BICD2: variants seen among roughly 807,000 people sequenced by gnomAD.
The protein encoded by BICD2 is protein bicaudal D homolog 2.
A neutral mutation model predicts 72.9 loss-of-function variants in BICD2; 25 were observed. The ratio of observed to expected loss-of-function variants is 0.34; its 90% CI spans 0.25 to 0.48. The LOEUF (loss-of-function observed/expected upper bound fraction) is 0.48. Among genes scored for constraint, BICD2 ranks in the 20% least tolerant of loss-of-function variants. The pLI, the probability that BICD2 is intolerant of heterozygous loss-of-function variation, is 0.99. For synonymous variants in BICD2, 501 were observed against 516.1 expected (o/e 0.97, Z 0.40); for missense variants, 894 against 1,175.2 (o/e 0.76, Z 3.50).
At chr9:92,743,623 G>C (rs1202006609) in intron 1 of BICD2, among the ~76,000 whole-genome samples, 13 of 152,100 alleles carry the variant, frequency 8.5e-5, no homozygotes, top group African/African-American at 2.4e-5. Context: ...CCATTTTATG[G>C]AGGAAGAAAC....
At chr9:92,745,570 G>A (rs1182809664) in intron 1 of BICD2, among the ~76,000 whole-genome samples, 1 of 152,132 alleles carries the variant, frequency 6.6e-6, no homozygotes, top group Non-Finnish European at 1.5e-5. Context: ...TGTGGGCCCA[G>A]AGGGAGGAAG....
Position 92,764,629 on chromosome 9 carries a change from T to C in BICD2, c.116A>G (p.Glu39Gly). The C allele has an allele frequency of 6.3e-7, 1 of 1,594,492 alleles. No homozygotes were observed. Among genetic ancestry groups the C allele is most frequent in the Non-Finnish European group, 8.5e-7 (1 of 1,171,944 alleles). The change falls in exon 1 of 7, where the codon GAG (glutamate) becomes GGG (glycine). Residue 39 changes from glutamate (E) to glycine (G), a missense_variant. Transcript: ENST00000356884. The surrounding 1 kb of genome is among the most constrained non-coding windows in gnomAD (Gnocchi z 5.5). ...CCCGTACTCGGCCGCCTGGATCTTC[T>C]CACGCGTGGTCTCGGCCAGCTCGTG... is the stretch of plus-strand genomic sequence containing the variant. ...LSHELAETTR[E>G]KIQAAEYGLA...
rs34165468 is a variant in BICD2 at position 92,743,355 on chromosome 9, CTT to C, written c.241-14121_241-14120del. Among the ~76,000 whole-genome samples, 28 of 112,216 alleles carry C rather than the reference CTT, an allele frequency of 2.5e-4. No homozygotes were observed. In the East Asian group the frequency reaches 4.6e-3, roughly 19 times the overall value. 73.6% of individuals were successfully genotyped at this position (112,216 alleles called of 152,430 possible). On this transcript the variant is annotated intron_variant, in intron 1 of 6. Transcript: ENST00000356884. ...CTACAGGCACGTGCCACCATGCCAG[CTT>C]TTTTTTTTTTTTTTTTTTTTAAGAG...
chr9:92,727,793 T>C (rs1853595399), intron 2 of BICD2, among the ~76,000 whole-genome samples: 1 of 152,122 alleles, frequency 6.6e-6, no homozygotes, highest in Admixed American at 6.5e-5. Flanking sequence ...CCCTGCCTCC[T>C]TCAGGGCCCC....
intron 1 of BICD2, among the ~76,000 whole-genome samples, chr9:92,744,718 G>A (rs1460900446): frequency 6.6e-6 from 1 of 152,128 alleles, no homozygotes; most frequent in Non-Finnish European, 1.5e-5. Context: ...GCACGCGCCT[G>A]TAGACCCAGC....
At chr9:92,731,329 C>G (rs1853674840) in intron 1 of BICD2, among the ~76,000 whole-genome samples, 1 of 152,182 alleles carries the variant, frequency 6.6e-6, no homozygotes, top group South Asian at 2.1e-4. Flanking sequence ...CTGGCCTGAG[C>G]CCTGGATCTT....
rs561730831 is a variant in BICD2, at chr9:92,744,506, C to T, written c.241-15270G>A. On this transcript the variant is annotated intron_variant, in intron 1 of 6. Coordinates refer to ENST00000356884, the MANE Select transcript of BICD2 (RefSeq NM_001003800.2). ...TTTTATAGTTTCCATATTTACCTTACACTCCAGTAAAAGCTTATTTTTATT... is the reference window on the plus strand; with the variant it reads ...TTTTATAGTTTCCATATTTACCTTATACTCCAGTAAAAGCTTATTTTTATT... Among the ~76,000 whole-genome samples the T allele has an allele frequency of 2.0e-5, 3 of 152,240 alleles. No homozygotes were observed. The South Asian group carries it at 6.2e-4, about 32-fold the overall frequency.
intron 2 of BICD2, among the ~76,000 whole-genome samples, chr9:92,728,528 C>A (rs977410425): frequency 6.6e-6 from 1 of 152,198 alleles, no homozygotes; most frequent in Non-Finnish European, 1.5e-5. Flanking sequence ...GGGCTACTGG[C>A]GGTGGTCTCC....
intron 1 of BICD2, among the ~76,000 whole-genome samples, chr9:92,746,159 G>T (rs10821014): frequency 0.2 from 30,167 of 152,072 alleles, 3,968 homozygotes; most frequent in East Asian, 0.72. Flanking sequence ...ACGAGTGAAA[G>T]GACTGGCCCT....
At position 92,764,019 on chromosome 9, in the gene BICD2, C is replaced by A. The variant is rs552121075; in HGVS notation, c.240+486G>T. ...AGCAGAAACGCTCCGAAAGTAGCTG[C>A]GCCCAGAGAGGGGAAGTGCTTTCTC... On this transcript the variant is annotated intron_variant, in intron 1 of 6. Transcript: ENST00000356884. The surrounding 1 kb of genome is among the most constrained non-coding windows in gnomAD (Gnocchi z 5.5). 6.6e-6 allele frequency among the ~76,000 whole-genome samples: 1 copy of A among 152,202 alleles called. No homozygotes were observed. The highest frequency in any genetic ancestry group is 2.1e-4 in the South Asian group (1 of 4,824).
At chr9:92,745,722 G>A (rs1853997427) in intron 1 of BICD2, among the ~76,000 whole-genome samples, 1 of 152,204 alleles carries the variant, frequency 6.6e-6, no homozygotes, top group South Asian at 2.1e-4. Context: ...GGAGGTATTA[G>A]CTCCTCTCAC....
At chr9:92,742,854 T>G (rs1250785570) in intron 1 of BICD2, among the ~76,000 whole-genome samples, 1 of 152,260 alleles carries the variant, frequency 6.6e-6, no homozygotes, top group African/African-American at 2.4e-5. Context: ...GCATAATGTT[T>G]TCAAGGTTCG....
chr9:92,764,473 C>G lies in BICD2; in HGVS notation c.240+32G>C. 1 of 1,461,010 alleles carries G rather than the reference C, an allele frequency of 6.8e-7. No homozygotes were observed. The highest frequency in any genetic ancestry group is 9.1e-7 in the Non-Finnish European group (1 of 1,098,938). The allele number at this position is 1,461,010 out of a possible 1,614,324, so 90.5% of individuals were successfully genotyped here. On this transcript the variant is annotated intron_variant, in intron 1 of 6. Coordinates refer to ENST00000356884, the MANE Select transcript of BICD2 (RefSeq NM_001003800.2). The surrounding 1 kb of genome is among the most constrained non-coding windows in gnomAD (Gnocchi z 5.5). ...GACGCCCACAGGCCCCGGCGCCGGG[C>G]GGGGGTCGCAGGGCAGGGCGGCTCG... is the stretch of plus-strand genomic sequence containing the variant.
intron 1 of BICD2, among the ~76,000 whole-genome samples, chr9:92,754,388 C>A (rs1367511958): frequency 6.6e-6 from 1 of 152,202 alleles, no homozygotes; most frequent in Non-Finnish European, 1.5e-5. Context: ...GAGGAGAAAA[C>A]TGTACGTAGG....
rs926638482 is a variant in BICD2 at position 92,713,636 on chromosome 9, G to A, written c.*1518C>T. On this transcript the variant is annotated 3_prime_UTR_variant, in exon 7 of 7. Coordinates refer to ENST00000356884, the MANE Select transcript of BICD2 (RefSeq NM_001003800.2). Reference sequence around the variant, plus strand: ...CTTGGGTGTCTGCAAAGTCCCTTAGGAGTATGGAGAGAAGCTATGTGCCAG... The same window carrying A: ...CTTGGGTGTCTGCAAAGTCCCTTAGAAGTATGGAGAGAAGCTATGTGCCAG... 7 of 1,481,092 alleles carry A rather than the reference G, an allele frequency of 4.7e-6. No individual in the cohort carries two copies. In the African/African-American group the frequency reaches 9.8e-5, roughly 21 times the overall value. The allele number at this position is 1,481,092 out of a possible 1,614,324, so 91.7% of individuals were successfully genotyped here. A position where few individuals can be genotyped will look rare whatever the true frequency, so the allele number is the denominator to read the frequency against.
chr9:92,754,997 G>T (rs954099495), intron 1 of BICD2, among the ~76,000 whole-genome samples: 1 of 152,214 alleles, frequency 6.6e-6, no homozygotes, highest in Non-Finnish European at 1.5e-5. Flanking sequence ...GACCACTGGT[G>T]AGCCGGGCAG....
intron 5 of BICD2, 72 bp from the exon 6 acceptor site, chr9:92,718,020 T>C: frequency 6.5e-7 from 1 of 1,534,118 alleles, no homozygotes; most frequent in Non-Finnish European, 8.8e-7. Flanking sequence ...GGGAGCAGGA[T>C]CGGGAGCCCC....
Position 92,764,731 on chromosome 9 carries a change from G to T in BICD2, c.14C>A (p.Ser5Ter). The T allele has an allele frequency of 1.3e-6, 2 of 1,571,416 alleles. No individual in the cohort carries two copies. The highest frequency in any genetic ancestry group is 1.7e-6 in the Non-Finnish European group (2 of 1,167,618). MSAP[S>*]EEEEYARLVM... is the part of the protein sequence containing the mutation. ...CAGCCGCGCGTACTCCTCCTCCTCC[G>T]ACGGCGCCGACATGGTGGCCGAGGG... is the stretch of plus-strand genomic sequence containing the variant. Residue 5 changes from serine (S) to a stop codon, truncating the protein, a stop_gained, in exon 1 of 7, where the codon TCG becomes TAG. Coordinates refer to ENST00000356884, the MANE Select transcript of BICD2 (RefSeq NM_001003800.2). LOFTEE classifies it high-confidence loss of function. The surrounding 1 kb of genome is among the most constrained non-coding windows in gnomAD (Gnocchi z 5.5).
At chr9:92,723,703 T>A (rs1047833522) in intron 2 of BICD2, among the ~76,000 whole-genome samples, 1 of 152,138 alleles carries the variant, frequency 6.6e-6, no homozygotes, top group African/African-American at 2.4e-5. Flanking sequence ...GAGATGTAAA[T>A]CACCTGAATA....
Sources: gnomAD v4.1 joint callset for allele counts (sites outside exome capture counted in the v4.1 genomes callset) on GRCh38, gnomAD v4.1.1 for gene constraint, Gnocchi (gnomAD v3.1) non-coding constraint, MANE v1.5 for transcripts, NCBI Gene and HGNC (gene_info 2026-07-23, HGNC 2026-07-21) for gene names.